PDE4B: variants seen among roughly 807,000 people sequenced by gnomAD.
PDE4B encodes the protein phosphodiesterase 4B.
In PDE4B, 20 loss-of-function variants were observed where a neutral mutation model predicts 82.2. The observed-to-expected ratio is 0.24, with a 90% confidence interval of 0.17 to 0.35. PDE4B has a LOEUF of 0.35. Ranked by LOEUF, PDE4B falls within the 10% of genes least tolerant of loss-of-function variation. PDE4B has a pLI of 1.00. For missense variants in PDE4B, 655 were observed against 907.2 expected (o/e 0.72, Z 3.57); for synonymous variants, 320 against 318.9 (o/e 1.00, Z -0.04).
At chr1:65,953,891 C>T (rs563973000) in intron 3 of PDE4B, among the ~76,000 whole-genome samples, 4 of 151,754 alleles carry the variant, frequency 2.6e-5, no homozygotes, top group African/African-American at 4.8e-5. Flanking sequence ...AATAAAGATA[C>T]AATTTATTAT....
chr1:66,008,984 A>G (rs1392958570), intron 3 of PDE4B, among the ~76,000 whole-genome samples: 5 of 152,066 alleles, frequency 3.3e-5, no homozygotes, highest in Non-Finnish European at 7.4e-5. Flanking sequence ...CCAAATTTAT[A>G]TCTCTAGCCA....
intron 3 of PDE4B, among the ~76,000 whole-genome samples, chr1:66,243,698 C>T (rs991548401): frequency 6.6e-6 from 1 of 152,168 alleles, no homozygotes; most frequent in African/African-American, 2.4e-5. Flanking sequence ...TACAGCCCAT[C>T]ACCCACCATC....
intron 1 of PDE4B, among the ~76,000 whole-genome samples, chr1:65,865,059 T>A (rs1646496007): frequency 1.3e-5 from 2 of 152,304 alleles, no homozygotes; most frequent in South Asian, 4.1e-4. Context: ...GCTGCTGCCT[T>A]TCCTTCAGAG....
chr1:65,962,537 G>A (rs1254155944), intron 3 of PDE4B, among the ~76,000 whole-genome samples: 24 of 152,150 alleles, frequency 1.6e-4, no homozygotes, highest in Non-Finnish European at 1.5e-5. Flanking sequence ...TGCAGAAACT[G>A]TTGCTAGTCC....
chr1:66,348,760 T>C (rs900126838), intron 8 of PDE4B, among the ~76,000 whole-genome samples: 1 of 151,604 alleles, frequency 6.6e-6, no homozygotes, highest in African/African-American at 2.4e-5. Context: ...CTGGCAACCT[T>C]ATATATGTGG....
chr1:65,825,703 T>C (rs1646006002), intron 1 of PDE4B, among the ~76,000 whole-genome samples: 2 of 31,134 alleles, frequency 6.4e-5, no homozygotes, highest in South Asian at 1.7e-3. Context: ...AAAACAAAAT[T>C]ACCTATCTAT....
At chr1:65,985,487 C>T (rs1417574641) in intron 3 of PDE4B, among the ~76,000 whole-genome samples, 1 of 152,012 alleles carries the variant, frequency 6.6e-6, no homozygotes, top group Admixed American at 6.6e-5. Context: ...AAGATAAAAG[C>T]TTATTTTAGA....
intron 3 of PDE4B, chr1:66,152,666 ACACT>A (rs1249766901): frequency 2.2e-5 from 3 of 134,008 alleles, no homozygotes; most frequent in Non-Finnish European, 3.3e-5. Context: ...ACACACACAC[ACACT>A]AAGAAGTTTA....
intron 7 of PDE4B, among the ~76,000 whole-genome samples, chr1:66,307,994 A>T (rs1166656085): frequency 1.3e-5 from 2 of 152,118 alleles, no homozygotes; most frequent in African/African-American, 4.8e-5. Flanking sequence ...GATAATAGGA[A>T]AAATTAGATA....
intron 3 of PDE4B, among the ~76,000 whole-genome samples, chr1:66,076,995 G>T (rs937310090): frequency 2.0e-5 from 3 of 151,684 alleles, no homozygotes; most frequent in Non-Finnish European, 2.9e-5. Flanking sequence ...GTTTCTCTTG[G>T]TGGCAGAAAC....
At chr1:66,080,703 G>A (rs1323272723) in intron 3 of PDE4B, among the ~76,000 whole-genome samples, 1 of 152,124 alleles carries the variant, frequency 6.6e-6, no homozygotes, top group East Asian at 1.9e-4. Flanking sequence ...GCTTATTAGA[G>A]TGTTGGAGAT....
chr1:66,147,959 C>G (rs1646309238), intron 3 of PDE4B, among the ~76,000 whole-genome samples: 1 of 152,092 alleles, frequency 6.6e-6, no homozygotes, highest in Non-Finnish European at 1.5e-5. Flanking sequence ...ATCACTATTT[C>G]ATCTGTATCA....
Position 66,047,121 on chromosome 1 carries a change from A to G in PDE4B, c.281+128286A>G, listed in dbSNP as rs933047522. ...CAGTGATTCCTATGAGAAATGTGGC[A>G]AGACTGGTGAAACATGCCATCTTTT... is the stretch of plus-strand genomic sequence containing the variant. On this transcript the variant is annotated intron_variant, in intron 3 of 16. Coordinates refer to ENST00000341517, the MANE Select transcript of PDE4B (RefSeq NM_002600.4). Among the ~76,000 whole-genome samples the G allele has an allele frequency of 2.6e-5, 4 of 151,942 alleles. No homozygotes were observed. In the East Asian group the frequency reaches 7.7e-4, roughly 29 times the overall value.
At position 65,798,359 on chromosome 1, in the gene PDE4B, C is replaced by T. The variant is rs1431933315; in HGVS notation, c.-71+5111C>T. On this transcript the variant is annotated intron_variant, in intron 1 of 16. Transcript: ENST00000341517. ...CTGCAAGCTCCGCTTCCCGGGTTCACGCCATTCTCCTGCCTCAGCCTCCCG... is the reference window on the plus strand; with the variant it reads ...CTGCAAGCTCCGCTTCCCGGGTTCATGCCATTCTCCTGCCTCAGCCTCCCG... 6.0e-5 allele frequency among the ~76,000 whole-genome samples: 5 copies of T among 83,554 alleles called. 2 individuals carry two copies. Among genetic ancestry groups the T allele is most frequent in the East Asian group, 2.2e-3 (2 of 894 alleles). 54.8% of individuals were successfully genotyped at this position (83,554 alleles called of 152,430 possible). A position where few individuals can be genotyped will look rare whatever the true frequency, so the allele number is the denominator to read the frequency against.
At chr1:66,045,938 C>A (rs1195124661) in intron 3 of PDE4B, among the ~76,000 whole-genome samples, 3 of 151,602 alleles carry the variant, frequency 2.0e-5, no homozygotes, top group African/African-American at 4.8e-5. Flanking sequence ...AGGGTGAGAA[C>A]CATACCACAA....
chr1:66,352,190 A>G (rs1255822315), intron 8 of PDE4B, among the ~76,000 whole-genome samples: 1 of 152,122 alleles, frequency 6.6e-6, no homozygotes, highest in Non-Finnish European at 1.5e-5. Context: ...AGTGACCTCC[A>G]TTTGCATACT....
At chr1:65,985,749 C>T (rs1650924726) in intron 3 of PDE4B, among the ~76,000 whole-genome samples, 1 of 152,014 alleles carries the variant, frequency 6.6e-6, no homozygotes, top group Non-Finnish European at 1.5e-5. Flanking sequence ...GAGGAACTCC[C>T]TTAGTATTTT....
At chr1:66,183,857 G>A (rs1025889430) in intron 3 of PDE4B, among the ~76,000 whole-genome samples, 3 of 152,126 alleles carry the variant, frequency 2.0e-5, no homozygotes, top group Admixed American at 1.3e-4. Context: ...AAATCACAAG[G>A]CAGAATAACA....
At chr1:65,833,415 A>G (rs1646104491) in intron 1 of PDE4B, among the ~76,000 whole-genome samples, 1 of 152,212 alleles carries the variant, frequency 6.6e-6, no homozygotes, top group African/African-American at 2.4e-5. Context: ...CTAAAGCATA[A>G]CAAAACACAG....
Sources: allele counts gnomAD v4.1 joint callset (sites outside exome capture counted in the v4.1 genomes callset), GRCh38; gene constraint gnomAD v4.1.1; transcripts MANE v1.5; gene names NCBI Gene and HGNC (gene_info 2026-07-23, HGNC 2026-07-21).